PRUNE2: variants seen among roughly 807,000 people sequenced by gnomAD.
PRUNE2 encodes the protein prune homolog 2 with BCH domain.
Under a neutral mutation model 252.0 loss-of-function variants are expected in PRUNE2, and 164 were observed. That is an observed-to-expected ratio of 0.65 (90% CI 0.57 to 0.74). The LOEUF (loss-of-function observed/expected upper bound fraction) is 0.74. Among genes scored for constraint, PRUNE2 ranks in the 30% least tolerant of loss-of-function variants. The probability of loss-of-function intolerance (pLI) is 0.00; values close to 1 mark genes in which losing one functional copy is unlikely to be tolerated. For missense variants in PRUNE2, 3,495 were observed against 3,711.0 expected (o/e 0.94, Z 1.51); for synonymous variants, 1,292 against 1,350.2 (o/e 0.96, Z 0.94).
chr9:76,681,702 C>T (rs968741849), intron 9 of PRUNE2, among the ~76,000 whole-genome samples: 1 of 152,154 alleles, frequency 6.6e-6, no homozygotes, highest in African/African-American at 2.4e-5. Context: ...CCTGAACCAC[C>T]AGAAAGGTGC....
Position 76,703,560 on chromosome 9 carries a change from A to G in PRUNE2, c.8053T>C (p.Ser2685Pro). The part of the protein sequence containing the change: ...QILEEMKPLE[S>P]LALEEASGPV... The stretch of plus-strand genomic sequence containing the variant: ...CCAGAGGCTTCCTCTAGTGCCAAAG[A>G]TTCTAGAGGCTTCATTTCTTCCAGA... The change falls in exon 9 of 19, where the codon TCT becomes CCT. Residue 2685 changes from serine to proline, a missense_variant. Physicochemically the swap from Ser to Pro is moderately conservative, Grantham distance 74. Coordinates refer to ENST00000376718, the MANE Select transcript of PRUNE2 (RefSeq NM_015225.3). 6.2e-6 allele frequency: 10 copies of G among 1,613,568 alleles called. No homozygotes were observed. The highest frequency in any genetic ancestry group is 7.6e-6 in the Non-Finnish European group (9 of 1,179,790).
At chr9:76,804,901 C>T (rs1335213872) in intron 6 of PRUNE2, among the ~76,000 whole-genome samples, 5 of 152,196 alleles carry the variant, frequency 3.3e-5, no homozygotes, top group Admixed American at 1.3e-4. Flanking sequence ...CACCCTGTTC[C>T]TTGCAGTATT....
intron 4 of PRUNE2, among the ~76,000 whole-genome samples, chr9:76,841,863 G>A (rs1032982625): frequency 6.6e-6 from 1 of 152,158 alleles, no homozygotes; most frequent in African/African-American, 2.4e-5. Flanking sequence ...GGGCGGCTGT[G>A]GGAGCAGCTT....
At chr9:76,717,039 G>A (rs1026186969) in intron 6 of PRUNE2, among the ~76,000 whole-genome samples, 12 of 152,148 alleles carry the variant, frequency 7.9e-5, no homozygotes, top group African/African-American at 2.9e-4. Flanking sequence ...TGTCCCTCAA[G>A]TGCTCTAGCT....
intron 6 of PRUNE2, among the ~76,000 whole-genome samples, chr9:76,728,185 G>C (rs1243781906): frequency 6.6e-6 from 1 of 152,120 alleles, no homozygotes; most frequent in Non-Finnish European, 1.5e-5. Context: ...TAGCATTCTT[G>C]CCTGATAACA....
intron 6 of PRUNE2, among the ~76,000 whole-genome samples, chr9:76,766,906 A>T (rs1264145735): frequency 6.6e-6 from 1 of 152,140 alleles, no homozygotes; most frequent in African/African-American, 2.4e-5. Context: ...TACACAACGC[A>T]TACACATGAT....
intron 6 of PRUNE2, among the ~76,000 whole-genome samples, chr9:76,749,357 C>T (rs1410522775): frequency 6.6e-6 from 1 of 152,196 alleles, no homozygotes; most frequent in Non-Finnish European, 1.5e-5. Context: ...TCTTCTCACC[C>T]CCAAGTTTTC....
chr9:76,680,346 AC>A (rs1180051559), intron 9 of PRUNE2, among the ~76,000 whole-genome samples: 1 of 152,206 alleles, frequency 6.6e-6, no homozygotes, highest in African/African-American at 2.4e-5. Flanking sequence ...TGTTAAAAAA[AC>A]AAACAAAAAA....
rs111471949 is a variant in PRUNE2 at position 76,743,751 on chromosome 9, A to G, written c.757-30030T>C. ...ATAATTACATATTCCATACTTCCAT[A>G]TATTTATTTCCATAAGTATGTATAT... On this transcript the variant is annotated intron_variant, in intron 6 of 18. Coordinates refer to ENST00000376718, the MANE Select transcript of PRUNE2 (RefSeq NM_015225.3). Among the ~76,000 whole-genome samples the G allele has an allele frequency of 1.7e-3, 262 of 152,340 alleles. 1 individual carries two copies. Among genetic ancestry groups the G allele is most frequent in the African/African-American group, 5.5e-3 (229 of 41,584 alleles).
chr9:76,680,068 C>T (rs1306153308), intron 9 of PRUNE2, among the ~76,000 whole-genome samples: 1 of 151,998 alleles, frequency 6.6e-6, no homozygotes, highest in Admixed American at 6.6e-5. Flanking sequence ...TGAAAGGCAA[C>T]CTATGGAATG....
At chr9:76,898,688 C>CA (rs938524020) in intron 1 of PRUNE2, among the ~76,000 whole-genome samples, 56 of 151,340 alleles carry the variant, frequency 3.7e-4, no homozygotes, top group African/African-American at 1.2e-3. Flanking sequence ...AAAAACAAAA[C>CA]AAAAAAAACC....
intron 1 of PRUNE2, among the ~76,000 whole-genome samples, chr9:76,875,426 C>T (rs1431285426): frequency 6.6e-6 from 1 of 152,188 alleles, no homozygotes; most frequent in Non-Finnish European, 1.5e-5. Flanking sequence ...AGTGCAGCGG[C>T]ATGATCTCGG....
At position 76,887,073 on chromosome 9, in the gene PRUNE2, A is replaced by G. The variant is rs368161869; in HGVS notation, c.36+18855T>C. On this transcript the variant is annotated intron_variant, in intron 1 of 18. Coordinates refer to ENST00000376718, the MANE Select transcript of PRUNE2 (RefSeq NM_015225.3). Reference sequence around the variant, plus strand: ...GCGTCTTTTGTTAGTCCCAATTTATATTTCTTATATTGGGAAGAAACTAAA... The same window carrying G: ...GCGTCTTTTGTTAGTCCCAATTTATGTTTCTTATATTGGGAAGAAACTAAA... Among the ~76,000 whole-genome samples, 201 of 152,246 alleles carry G rather than the reference A, an allele frequency of 1.3e-3. 1 individual carries two copies. Among genetic ancestry groups the G allele is most frequent in the African/African-American group, 4.6e-3 (190 of 41,528 alleles).
At chr9:76,622,492 TTGA>T (rs1487844843) in intron 17 of PRUNE2, among the ~76,000 whole-genome samples, 2 of 152,204 alleles carry the variant, frequency 1.3e-5, no homozygotes, top group African/African-American at 4.8e-5. Flanking sequence ...TGAAAAATTA[TTGA>T]TGTTCTTTCC....
rs114519068 is a variant in PRUNE2 at position 76,718,727 on chromosome 9, A to T, written c.757-5006T>A. Among the ~76,000 whole-genome samples the T allele has an allele frequency of 2.8e-3, 420 of 152,130 alleles. 2 individuals carry two copies. Among genetic ancestry groups the T allele is most frequent in the African/African-American group, 9.4e-3 (391 of 41,500 alleles). The stretch of plus-strand genomic sequence containing the variant: ...ATCTTACCCAGCCACATGGCTTTAA[A>T]ACCATTTGTCTGCCACTGATGACAG... On this transcript the variant is annotated intron_variant, in intron 6 of 18. Coordinates refer to ENST00000376718, the MANE Select transcript of PRUNE2 (RefSeq NM_015225.3).
At chr9:76,889,439 GC>G (rs974666714) in intron 1 of PRUNE2, among the ~76,000 whole-genome samples, 7 of 151,598 alleles carry the variant, frequency 4.6e-5, no homozygotes. Flanking sequence ...TCTTGCCTCA[GC>G]CCCCCAAGTA....
chr9:76,761,360 A>G (rs1418989293), intron 6 of PRUNE2, among the ~76,000 whole-genome samples: 3 of 152,190 alleles, frequency 2.0e-5, no homozygotes, highest in Non-Finnish European at 4.4e-5. Context: ...TCTGTGAGGA[A>G]CAGTCACCTA....
In PRUNE2 at chr9:76,697,880, G is replaced by T. The variant is rs188340364; in HGVS notation, c.8276+5457C>A. 2.0e-5 allele frequency among the ~76,000 whole-genome samples: 3 copies of T among 152,270 alleles called. No homozygotes were observed. In the East Asian group the frequency reaches 5.8e-4, roughly 29 times the overall value. ...TCAAGTGTCATTTGGGTGGACCAAA[G>T]AAAATAATCTATTTGTCAGTCTGCA... On this transcript the variant is annotated intron_variant, in intron 9 of 18. Coordinates refer to ENST00000376718, the MANE Select transcript of PRUNE2 (RefSeq NM_015225.3).
intron 15 of PRUNE2, among the ~76,000 whole-genome samples, chr9:76,631,672 A>G (rs923458341): frequency 2.0e-5 from 3 of 152,170 alleles, no homozygotes; most frequent in Admixed American, 1.3e-4. Context: ...CAAATTACTA[A>G]TTTTTTCCCC....
Sources: allele counts gnomAD v4.1 joint callset (sites outside exome capture counted in the v4.1 genomes callset), GRCh38; gene constraint gnomAD v4.1.1; transcripts MANE v1.5; gene names NCBI Gene and HGNC (gene_info 2026-07-23, HGNC 2026-07-21).